FRMD4A: variants seen among roughly 807,000 people sequenced by gnomAD.
FRMD4A encodes FERM domain-containing protein 4A.
Under a neutral mutation model 129.1 loss-of-function variants are expected in FRMD4A, and 29 were observed. The ratio of observed to expected loss-of-function variants is 0.22; its 90% CI spans 0.17 to 0.31. FRMD4A has a LOEUF of 0.31. Among genes scored for constraint, FRMD4A ranks in the 10% least tolerant of loss-of-function variants. FRMD4A has a pLI of 1.00. For synonymous variants in FRMD4A, 634 were observed against 571.6 expected (o/e 1.11, Z -1.56); for missense variants, 1,272 against 1,375.8 (o/e 0.92, Z 1.19).
At chr10:14,173,837 C>A (rs1841596928) in intron 2 of FRMD4A, among the ~76,000 whole-genome samples, 1 of 151,948 alleles carries the variant, frequency 6.6e-6, no homozygotes, top group African/African-American at 2.4e-5. Flanking sequence ...CTCTGCTCTC[C>A]CCTTCCCCTC....
intron 2 of FRMD4A, among the ~76,000 whole-genome samples, chr10:14,138,131 C>A (rs1000562332): frequency 1.5e-4 from 23 of 152,192 alleles, no homozygotes; most frequent in Admixed American, 7.9e-4. Flanking sequence ...TCTACTAGTG[C>A]TGGACCTAGA....
rs186697364 is a variant in FRMD4A, at chr10:13,818,160, T to C, written c.112-7252A>G. 2.2e-4 allele frequency among the ~76,000 whole-genome samples: 33 copies of C among 152,262 alleles called. No individual in the cohort carries two copies. In the East Asian group the frequency reaches 4.6e-3, roughly 21 times the overall value. On this transcript the variant is annotated intron_variant, in intron 3 of 24. Transcript: ENST00000357447. ...AATTCCTATACTAAGACATTATTTA[T>C]GTTATTATTATTATTGTTTTTAGAT...
At chr10:13,997,616 TTTCTTTTC>T (rs1344951057) in intron 2 of FRMD4A, among the ~76,000 whole-genome samples, 2 of 132,312 alleles carry the variant, frequency 1.5e-5, no homozygotes, top group East Asian at 3.5e-4. Context: ...ATTCTTTTCT[TTTCTTTTC>T]TTTTTTTTTT....
At chr10:13,791,192 ATCT>A (rs1564809174) in intron 5 of FRMD4A, among the ~76,000 whole-genome samples, 4 of 152,332 alleles carry the variant, frequency 2.6e-5, no homozygotes, top group African/African-American at 4.8e-5. Flanking sequence ...AAGCAGCAAC[ATCT>A]TCTTAGAGCA....
chr10:14,037,582 GT>G (rs1291200224), intron 2 of FRMD4A, among the ~76,000 whole-genome samples: 1 of 152,150 alleles, frequency 6.6e-6, no homozygotes, highest in Non-Finnish European at 1.5e-5. Context: ...ATGTGAAAAT[GT>G]TTTTGTACAT....
At chr10:14,072,105 A>G (rs1835345909) in intron 2 of FRMD4A, among the ~76,000 whole-genome samples, 1 of 152,242 alleles carries the variant, frequency 6.6e-6, no homozygotes, top group African/African-American at 2.4e-5. Context: ...GGAAGGCCCA[A>G]GTCAATTGAC....
intron 6 of FRMD4A, among the ~76,000 whole-genome samples, chr10:13,772,354 T>C (rs1193482342): frequency 6.6e-6 from 1 of 151,842 alleles, no homozygotes; most frequent in Non-Finnish European, 1.5e-5. Context: ...CACCAGACTC[T>C]AAGGTTAAGT....
At chr10:14,029,323 C>T (rs1351328125) in intron 2 of FRMD4A, among the ~76,000 whole-genome samples, 3 of 151,934 alleles carry the variant, frequency 2.0e-5, no homozygotes, top group African/African-American at 7.3e-5. Flanking sequence ...GTCCTTCTCC[C>T]TAGGGAAACG....
At chr10:13,764,654 G>A (rs1259366462) in intron 6 of FRMD4A, among the ~76,000 whole-genome samples, 1 of 152,146 alleles carries the variant, frequency 6.6e-6, no homozygotes, top group Non-Finnish European at 1.5e-5. Context: ...AAGACAAAGA[G>A]AAGCCTGGAG....
intron 2 of FRMD4A, among the ~76,000 whole-genome samples, chr10:14,182,057 T>G (rs980428133): frequency 1.3e-5 from 2 of 152,212 alleles, no homozygotes; most frequent in Non-Finnish European, 2.9e-5. Flanking sequence ...ACAAACCACT[T>G]TCAAAAGCTT....
chr10:14,164,798 A>G (rs916419932), intron 2 of FRMD4A, among the ~76,000 whole-genome samples: 8 of 152,224 alleles, frequency 5.3e-5, no homozygotes, highest in African/African-American at 1.9e-4. Flanking sequence ...AGTTTGTCCA[A>G]CCTGCAACCC....
chr10:14,174,866 AGTGTGTGTGTGTC>A (rs1163885478), intron 2 of FRMD4A, among the ~76,000 whole-genome samples: 2 of 139,524 alleles, frequency 1.4e-5, no homozygotes, highest in East Asian at 4.3e-4. Context: ...TAAAAAAAAA[AGTGTGTGTGTGTC>A]TGTGTGTGTG....
chr10:14,267,173 G>A (rs558252546), intron 2 of FRMD4A, among the ~76,000 whole-genome samples: 4 of 152,266 alleles, frequency 2.6e-5, no homozygotes, highest in Non-Finnish European at 5.9e-5. Flanking sequence ...AAAGGTATGA[G>A]GTCAAGCTCT....
intron 2 of FRMD4A, among the ~76,000 whole-genome samples, chr10:13,879,024 C>T (rs903678943): frequency 6.6e-6 from 1 of 152,140 alleles, no homozygotes; most frequent in African/African-American, 2.4e-5. Context: ...GTTACAATTC[C>T]TGATTGTGGT....
Position 14,260,927 on chromosome 10 carries a change from A to T in FRMD4A, c.45+69131T>A, listed in dbSNP as rs544954832. ...GGGGTCAGGCTTGGCCACTAACTCC[A>T]TTGGGCACATTGTCCACCTCCATGG... On this transcript the variant is annotated intron_variant, in intron 2 of 24. Coordinates refer to ENST00000357447, the MANE Select transcript of FRMD4A (RefSeq NM_018027.5). Among the ~76,000 whole-genome samples the T allele has an allele frequency of 3.9e-5, 6 of 152,338 alleles. No individual in the cohort carries two copies. The South Asian group carries it at 1.2e-3, about 32-fold the overall frequency.
At chr10:14,316,991 T>C (rs189786765) in intron 2 of FRMD4A, among the ~76,000 whole-genome samples, 135 of 152,352 alleles carry the variant, frequency 8.9e-4, no homozygotes, top group Middle Eastern at 6.8e-3. Flanking sequence ...CATTCTCGCT[T>C]TTCCTGGCAT....
At chr10:14,269,452 C>G (rs940469751) in intron 2 of FRMD4A, among the ~76,000 whole-genome samples, 16 of 152,138 alleles carry the variant, frequency 1.1e-4, no homozygotes, top group African/African-American at 3.9e-4. Flanking sequence ...TAAAAAGAAC[C>G]CATTTCCTTG....
At chr10:13,923,406 C>T (rs145557890) in intron 2 of FRMD4A, among the ~76,000 whole-genome samples, 218 of 152,300 alleles carry the variant, frequency 1.4e-3, no homozygotes, top group African/African-American at 5.0e-3. Flanking sequence ...ACTACTAGTA[C>T]CACAACTTTA....
intron 2 of FRMD4A, among the ~76,000 whole-genome samples, chr10:13,929,064 G>A (rs1015524679): frequency 6.6e-6 from 1 of 152,136 alleles, no homozygotes; most frequent in Non-Finnish European, 1.5e-5. Flanking sequence ...TTATTCTCAT[G>A]TTTTATTTCC....
Sources: gnomAD v4.1 joint callset for allele counts (sites outside exome capture counted in the v4.1 genomes callset) on GRCh38, gnomAD v4.1.1 for gene constraint, MANE v1.5 for transcripts, NCBI Gene and HGNC (gene_info 2026-07-23, HGNC 2026-07-21) for gene names.